The following ABCA13 variants were observed in gnomAD, a reference collection of about 807,000 sequenced individuals.
ABCA13 encodes the protein ATP binding cassette subfamily A member 13.
In ABCA13, 476 loss-of-function variants were observed where a neutral mutation model predicts 478.7. The observed-to-expected ratio is 0.99, with a 90% CI of 0.92 to 1.07. The LOEUF (loss-of-function observed/expected upper bound fraction) is 1.07. Among genes scored for constraint, ABCA13 ranks in the 50% least tolerant of loss-of-function variants. The pLI is 0.00. For missense variants in ABCA13, 6,060 were observed against 5,910.6 expected (o/e 1.03, Z -0.83); for synonymous variants, 2,252 against 2,158.9 (o/e 1.04, Z -1.20).
intron 41 of ABCA13, among the ~76,000 whole-genome samples, chr7:48,417,531 C>CT (rs1451194172): frequency 6.6e-6 from 1 of 151,980 alleles, no homozygotes; most frequent in Non-Finnish European, 1.5e-5. Flanking sequence ...TTTTAAAAAC[C>CT]TTTTAAAGAG....
intron 54 of ABCA13, among the ~76,000 whole-genome samples, chr7:48,526,569 A>G (rs993589342): frequency 1.6e-4 from 25 of 152,162 alleles, no homozygotes; most frequent in Admixed American, 1.6e-3. Flanking sequence ...TCATTATATA[A>G]TATACTTTCA....
intron 58 of ABCA13, among the ~76,000 whole-genome samples, chr7:48,609,132 T>G (rs1195395004): frequency 6.6e-6 from 1 of 152,202 alleles, no homozygotes; most frequent in Non-Finnish European, 1.5e-5. Flanking sequence ...TGCTGGAGTT[T>G]GCTGGCATGA....
chr7:48,376,346 T>C (rs1813477831), intron 34 of ABCA13, 95 bp from the exon 35 acceptor site: 1 of 1,471,586 alleles, frequency 6.8e-7, no homozygotes, highest in African/African-American at 1.4e-5. Flanking sequence ...CTGTTCAACT[T>C]CACTTGAGCT....
intron 55 of ABCA13, among the ~76,000 whole-genome samples, chr7:48,571,965 G>A (rs1787696536): frequency 6.6e-6 from 1 of 152,102 alleles, no homozygotes; most frequent in Non-Finnish European, 1.5e-5. Flanking sequence ...ATCACTTAAG[G>A]TTAGGAGTTC....
intron 41 of ABCA13, among the ~76,000 whole-genome samples, chr7:48,416,633 G>A (rs889185234): frequency 2.6e-5 from 4 of 152,082 alleles, no homozygotes; most frequent in Non-Finnish European, 5.9e-5. Flanking sequence ...TGCCCTGGGA[G>A]GATCCCCAGT....
At chr7:48,513,312 C>G (rs7806738) in intron 51 of ABCA13, among the ~76,000 whole-genome samples, 73,578 of 152,104 alleles carry the variant, frequency 0.48, 20,319 homozygotes, top group African/African-American at 0.76. Context: ...CGAATTGATT[C>G]TTTTAAGAGA....
chr7:48,172,581 G>A lies in ABCA13; in HGVS notation c.69+1029G>A, dbSNP rs563057939. 2.3e-4 allele frequency among the ~76,000 whole-genome samples: 35 copies of A among 151,888 alleles called. No individual in the cohort carries two copies. In the South Asian group the frequency reaches 7.1e-3, roughly 31 times the overall value. ...GAGGCCGAGGCGGGCGGATCACGAG[G>A]TCAGGAGATCGAGACCATCCTGGCT... is the stretch of plus-strand genomic sequence containing the variant. On this transcript the variant is annotated intron_variant, in intron 1 of 61. Transcript: ENST00000435803.
chr7:48,567,265 G>A (rs570083340), intron 55 of ABCA13, among the ~76,000 whole-genome samples: 72 of 152,134 alleles, frequency 4.7e-4, no homozygotes, highest in Non-Finnish European at 8.8e-4. Context: ...GCAGAGTGCT[G>A]TATTTCCTGT....
chr7:48,373,344 T>C (rs540474301), intron 33 of ABCA13, among the ~76,000 whole-genome samples: 88 of 152,284 alleles, frequency 5.8e-4, no homozygotes, highest in African/African-American at 2.0e-3. Context: ...CACTCACTTA[T>C]TGGGAGCAAA....
rs200327749 is a variant in ABCA13, at chr7:48,272,603, G to C, written c.2937G>C (p.Gln979His). 2.7e-3 allele frequency: 4,311 copies of C among 1,613,194 alleles called. 61 individuals are homozygous for C. Among genetic ancestry groups the C allele is most frequent in the South Asian group, 0.024 (2,225 of 91,020 alleles). Residue 979 changes from glutamine (Q) to histidine (H), a missense_variant, in exon 17 of 62, where the codon CAG (glutamine) becomes CAC (histidine). By Grantham distance (24) the Gln-to-His change is conservative. Transcript: ENST00000435803. ...ATATTTATGAATTATTGAATATTCA[G>C]AGTAGAGGCTCTTCGTTGACTTTCC... ...YRYIYELLNI[Q>H]SRGSSLTFLT...
intron 59 of ABCA13, chr7:48,626,586 T>G: frequency 6.1e-6 from 6 of 984,672 alleles, no homozygotes; most frequent in Non-Finnish European, 7.2e-6. Flanking sequence ...AAACAGAAAT[T>G]TTTGTTCTCT....
intron 41 of ABCA13, among the ~76,000 whole-genome samples, chr7:48,421,954 C>G (rs1481603318): frequency 6.7e-6 from 1 of 150,302 alleles, no homozygotes; most frequent in South Asian, 2.1e-4. Flanking sequence ...AAGGCCTCCA[C>G]ACTGCTTTGC....
intron 20 of ABCA13, 120 bp from the exon 21 acceptor site, chr7:48,295,580 C>A (rs2128829599): frequency 7.8e-7 from 1 of 1,287,822 alleles, no homozygotes. Context: ...TACTACTCTG[C>A]AATGCACAGA....
intron 26 of ABCA13, among the ~76,000 whole-genome samples, chr7:48,315,699 C>T (rs1009102219): frequency 6.6e-6 from 1 of 152,018 alleles, no homozygotes; most frequent in African/African-American, 2.4e-5. Flanking sequence ...AGGATGGTCT[C>T]GATCTCCTGA....
intron 37 of ABCA13, among the ~76,000 whole-genome samples, chr7:48,390,476 G>A (rs1404498067): frequency 1.3e-5 from 2 of 152,132 alleles, no homozygotes; most frequent in East Asian, 1.9e-4. Flanking sequence ...TAAGTTCATC[G>A]AGGTTTAATT....
intron 32 of ABCA13, 68 bp from the exon 33 acceptor site, chr7:48,372,100 A>G (rs1035744947): frequency 1.1e-5 from 15 of 1,427,928 alleles, no homozygotes; most frequent in Non-Finnish European, 1.3e-5. Context: ...TCTTTCTCCT[A>G]CCATCTGATT....
chr7:48,524,361 A>G lies in ABCA13; in HGVS notation c.14165A>G (p.Asn4722Ser). The change falls in exon 54 of 62, where the codon AAC (asparagine) becomes AGC (serine). Residue 4722 changes from asparagine (N) to serine (S), a missense_variant. This residue lies in a region of ABCA13 where 1,627 missense variants were observed against 1,571.0 expected (regional missense o/e 1.04). Coordinates refer to ENST00000435803, the MANE Select transcript of ABCA13 (RefSeq NM_152701.5). Reference protein sequence around the residue: ...RTNGDILVLYNLSKHYRRFFQ... With the variant: ...RTNGDILVLYSLSKHYRRFFQ... ...AATGGAGACATTCTTGTGTTATACA[A>G]CCTTAGTAAACATTATCGACGCTTT... 1 of 1,613,278 alleles carries G rather than the reference A, an allele frequency of 6.2e-7. No individual in the cohort carries two copies. The highest frequency in any genetic ancestry group is 8.5e-7 in the Non-Finnish European group (1 of 1,179,564).
intron 15 of ABCA13, among the ~76,000 whole-genome samples, chr7:48,251,804 A>G (rs1792608472): frequency 6.6e-6 from 1 of 151,908 alleles, no homozygotes. Context: ...AAGACAATAA[A>G]TTTTCCTCTA....
chr7:48,175,202 T>C (rs1794672470), intron 1 of ABCA13, among the ~76,000 whole-genome samples: 1 of 152,204 alleles, frequency 6.6e-6, no homozygotes, highest in Admixed American at 6.5e-5. Flanking sequence ...TCAGTCTAAT[T>C]AATTACTTAT....
Sources: allele counts gnomAD v4.1 joint callset (sites outside exome capture counted in the v4.1 genomes callset), GRCh38; gene constraint gnomAD v4.1.1; regional missense constraint gnomAD v4.1.1; transcripts MANE v1.5; gene names NCBI Gene and HGNC (gene_info 2026-07-23, HGNC 2026-07-21).